The following SND1 variants were observed in gnomAD, a reference collection of about 807,000 sequenced individuals.
SND1 encodes staphylococcal nuclease and tudor domain containing 1.
SND1 carries 38 observed loss-of-function variants against 121.7 expected under a neutral mutation model. The ratio of observed to expected loss-of-function variants is 0.31; its 90% CI spans 0.24 to 0.41. The LOEUF is 0.41. SND1 is among the 10% of genes least tolerant of loss of function. The probability of loss-of-function intolerance (pLI) is 1.00; values close to 1 mark genes in which losing one functional copy is unlikely to be tolerated. For synonymous variants in SND1, 401 were observed against 447.4 expected (o/e 0.90, Z 1.31); for missense variants, 868 against 1,184.6 (o/e 0.73, Z 3.92).
At chr7:127,747,710 G>A (rs1797006815) in intron 10 of SND1, among the ~76,000 whole-genome samples, 1 of 152,170 alleles carries the variant, frequency 6.6e-6, no homozygotes, top group Non-Finnish European at 1.5e-5. Context: ...TTTTCTTAAA[G>A]AATTAATTTT....
At chr7:127,966,143 CTCTT>C (rs1801846956) in intron 15 of SND1, among the ~76,000 whole-genome samples, 1 of 150,658 alleles carries the variant, frequency 6.6e-6, no homozygotes, top group African/African-American at 2.5e-5. Flanking sequence ...TGATTCTTCT[CTCTT>C]TTTTTCTTTA....
At chr7:127,684,426 C>CA (rs925828576) in intron 1 of SND1, among the ~76,000 whole-genome samples, 5 of 152,212 alleles carry the variant, frequency 3.3e-5, no homozygotes, top group African/African-American at 1.2e-4. Flanking sequence ...TGAATGATTT[C>CA]AAGTGCAGGT....
intron 15 of SND1, among the ~76,000 whole-genome samples, chr7:127,970,316 C>G (rs1161921039): frequency 6.6e-6 from 1 of 152,210 alleles, no homozygotes; most frequent in Non-Finnish European, 1.5e-5. Flanking sequence ...GGTTTATAAG[C>G]TGCATTTTAT....
At chr7:127,933,728 G>C (rs1246855507) in intron 15 of SND1, among the ~76,000 whole-genome samples, 1 of 152,104 alleles carries the variant, frequency 6.6e-6, no homozygotes, top group African/African-American at 2.4e-5. Flanking sequence ...AGTTTACCTT[G>C]CCCCTCAATT....
chr7:127,691,491 C>G (rs1277186440), intron 2 of SND1, among the ~76,000 whole-genome samples: 3 of 151,472 alleles, frequency 2.0e-5, no homozygotes, highest in Non-Finnish European at 4.4e-5. Flanking sequence ...TTGCAGTGAA[C>G]CAAGATTATG....
chr7:127,718,477 T>G, intron 9 of SND1: 2 of 651,434 alleles, frequency 3.1e-6, no homozygotes, highest in Non-Finnish European at 3.8e-6. Context: ...ACCCCACTTA[T>G]ACACACACGC....
At chr7:127,976,742 G>A (rs1802129259) in intron 15 of SND1, among the ~76,000 whole-genome samples, 1 of 152,190 alleles carries the variant, frequency 6.6e-6, no homozygotes, top group Admixed American at 6.5e-5. Context: ...TGGATTTGCT[G>A]TTCCTTTTTA....
chr7:127,799,816 G>C (rs935888582), intron 10 of SND1, among the ~76,000 whole-genome samples: 3 of 152,310 alleles, frequency 2.0e-5, no homozygotes, highest in Non-Finnish European at 4.4e-5. Context: ...TGGAAATAAA[G>C]CTGCTTTTTC....
intron 2 of SND1, among the ~76,000 whole-genome samples, chr7:127,694,033 A>G (rs185559703): frequency 6.6e-6 from 1 of 152,292 alleles, no homozygotes; most frequent in East Asian, 1.9e-4. Flanking sequence ...GTGTCTGTGC[A>G]TGGAACGGTG....
chr7:127,720,606 A>G (rs991611474), intron 9 of SND1, among the ~76,000 whole-genome samples: 10 of 152,100 alleles, frequency 6.6e-5, no homozygotes, highest in African/African-American at 2.4e-4. Flanking sequence ...TTTATCCCAG[A>G]CTAGTTCTTT....
At chr7:127,734,730 C>T (rs1315088300) in intron 10 of SND1, among the ~76,000 whole-genome samples, 1 of 152,100 alleles carries the variant, frequency 6.6e-6, no homozygotes, top group African/African-American at 2.4e-5. Flanking sequence ...TTAGGACTGA[C>T]GGAGGAAATC....
intron 12 of SND1, among the ~76,000 whole-genome samples, chr7:127,882,796 T>C (rs1799817784): frequency 6.6e-6 from 1 of 152,176 alleles, no homozygotes; most frequent in Non-Finnish European, 1.5e-5. Flanking sequence ...CATTAAATTG[T>C]GTGCCATGAC....
chr7:128,075,868 G>A (rs1215851378), intron 17 of SND1, among the ~76,000 whole-genome samples: 1 of 152,244 alleles, frequency 6.6e-6, no homozygotes, highest in African/African-American at 2.4e-5. Flanking sequence ...GAGTCACACG[G>A]CTTCTTCCTG....
intron 14 of SND1, among the ~76,000 whole-genome samples, chr7:127,908,357 T>C (rs368905371): frequency 0.015 from 2,070 of 142,344 alleles, 42 homozygotes; most frequent in African/African-American, 0.045. Context: ...TGTGTGTGTG[T>C]GTGCGTGCGT....
At chr7:127,808,554 A>G (rs1191427711) in intron 11 of SND1, among the ~76,000 whole-genome samples, 1 of 152,236 alleles carries the variant, frequency 6.6e-6, no homozygotes, top group Non-Finnish European at 1.5e-5. Flanking sequence ...ATTGTATACC[A>G]TAGTCACTAG....
chr7:127,871,321 C>T (rs1345965278), intron 12 of SND1, among the ~76,000 whole-genome samples: 1 of 152,162 alleles, frequency 6.6e-6, no homozygotes, highest in Non-Finnish European at 1.5e-5. Context: ...TATTGTTATC[C>T]ATTACCATTA....
chr7:127,824,652 G>C (rs1057339418), intron 11 of SND1, among the ~76,000 whole-genome samples: 5 of 151,980 alleles, frequency 3.3e-5, no homozygotes, highest in Non-Finnish European at 5.9e-5. Flanking sequence ...CTAAAAAAAA[G>C]ATGGAGTATT....
rs1487277772 is a variant in SND1 at position 128,029,388 on chromosome 7, T to G, written c.1779+38332T>G. 6.2e-7 allele frequency: 1 copy of G among 1,614,188 alleles called. No individual in the cohort carries two copies. The highest frequency in any genetic ancestry group is 1.3e-5 in the African/African-American group (1 of 75,048). On this transcript the variant is annotated intron_variant, in intron 16 of 23. Coordinates refer to ENST00000354725, the MANE Select transcript of SND1 (RefSeq NM_014390.4). This position sits in a 1 kb window ranked among gnomAD's most constrained non-coding sequence, Gnocchi z 4.2. ...CACCATGCATGTGTACACCCCAGTG[T>G]CTGAAAGCAGCACGTGGGAAAAGTT...
intron 16 of SND1, among the ~76,000 whole-genome samples, chr7:128,055,325 C>G (rs190552486): frequency 1.3e-5 from 2 of 152,266 alleles, no homozygotes; most frequent in Admixed American, 1.3e-4. Context: ...GTTCCCACCA[C>G]AGGGATCTAA....
Sources: allele counts gnomAD v4.1 joint callset (sites outside exome capture counted in the v4.1 genomes callset), GRCh38; gene constraint gnomAD v4.1.1; non-coding constraint Gnocchi (gnomAD v3.1); transcripts MANE v1.5; gene names NCBI Gene and HGNC (gene_info 2026-07-23, HGNC 2026-07-21).